ATP8A2: variants seen among roughly 807,000 people sequenced by gnomAD.
ATP8A2 encodes the protein phospholipid-transporting ATPase IB.
In ATP8A2, 100 loss-of-function variants were observed where a neutral mutation model predicts 165.6. The ratio of observed to expected loss-of-function variants is 0.60; its 90% CI spans 0.51 to 0.71. ATP8A2 has a LOEUF of 0.71. Ranked by LOEUF, ATP8A2 falls within the 30% of genes least tolerant of loss-of-function variation. ATP8A2 has a pLI of 0.00. For synonymous variants in ATP8A2, 543 were observed against 548.8 expected, an observed-to-expected ratio of 0.99 and a Z score of 0.15; for missense variants, 1,227 against 1,479.5, an observed-to-expected ratio of 0.83 and a Z score of 2.80.
chr13:25,395,653 A>T (rs2033396698), intron 1 of ATP8A2, among the ~76,000 whole-genome samples: 1 of 152,082 alleles, frequency 6.6e-6, no homozygotes, highest in South Asian at 2.1e-4. Flanking sequence ...CTCCCAGCTC[A>T]GTCTATTGAG....
chr13:25,965,211 G>A (rs1175656128), intron 34 of ATP8A2, among the ~76,000 whole-genome samples: 1 of 152,190 alleles, frequency 6.6e-6, no homozygotes, highest in East Asian at 1.9e-4. Context: ...GCCTTTTCAA[G>A]TATATTTCTG....
At chr13:25,513,629 G>C (rs1168197338) in intron 2 of ATP8A2, among the ~76,000 whole-genome samples, 1 of 151,950 alleles carries the variant, frequency 6.6e-6, no homozygotes, top group Non-Finnish European at 1.5e-5. Context: ...AGGTTGTAGC[G>C]AGCCGAGATC....
chr13:25,608,210 G>T (rs777708501), intron 24 of ATP8A2, among the ~76,000 whole-genome samples: 32 of 152,296 alleles, frequency 2.1e-4, no homozygotes, highest in Non-Finnish European at 1.8e-4. Flanking sequence ...CTGTAGATAA[G>T]GTCAAAGAGG....
intron 2 of ATP8A2, among the ~76,000 whole-genome samples, chr13:25,492,259 T>TC (rs2036549841): frequency 6.6e-6 from 1 of 152,208 alleles, no homozygotes; most frequent in Non-Finnish European, 1.5e-5. Flanking sequence ...TTTCACCATG[T>TC]TGGCCAGGCT....
chr13:25,762,293 A>AAAAAAAAT (rs10641514), intron 25 of ATP8A2, among the ~76,000 whole-genome samples: 3 of 150,138 alleles, frequency 2.0e-5, no homozygotes, highest in Non-Finnish European at 4.4e-5. Context: ...AAAAAAAAAA[A>AAAAAAAAT]AAAGCTGTCC....
intron 24 of ATP8A2, among the ~76,000 whole-genome samples, chr13:25,602,106 T>A (rs916565627): frequency 1.3e-5 from 2 of 152,216 alleles, no homozygotes; most frequent in Non-Finnish European, 2.9e-5. Flanking sequence ...TTTGTGTGTG[T>A]GAAGGTAGTA....
At chr13:25,461,852 A>AAGGAGGAGGAGG (rs1555274204) in intron 1 of ATP8A2, among the ~76,000 whole-genome samples, 1 of 147,714 alleles carries the variant, frequency 6.8e-6, no homozygotes, top group African/African-American at 2.5e-5. Flanking sequence ...GGAGAAGAAG[A>AAGGAGGAGGAGG]AGGAGGAGGA....
chr13:25,619,382 G>A (rs1490900198), intron 24 of ATP8A2, among the ~76,000 whole-genome samples: 3 of 152,142 alleles, frequency 2.0e-5, no homozygotes, highest in Non-Finnish European at 4.4e-5. Flanking sequence ...CTTTTATTCT[G>A]TATGCTGTTA....
At position 25,449,515 on chromosome 13, in the gene ATP8A2, C is replaced by T. The variant is rs907659593; in HGVS notation, c.77-19462C>T. On this transcript the variant is annotated intron_variant, in intron 1 of 36. Coordinates refer to ENST00000381655, the MANE Select transcript of ATP8A2 (RefSeq NM_016529.6). ...TTGTGGTGTATCTTGTGGAGGGGTC[C>T]ATGTGCATCTTCACTTGTGGGATGG... Among the ~76,000 whole-genome samples the T allele has an allele frequency of 2.1e-4, 32 of 152,214 alleles. No individual in the cohort carries two copies. In the South Asian group the frequency reaches 3.9e-3, roughly 19 times the overall value.
rs998817455 is a variant in ATP8A2 at position 25,922,909 on chromosome 13, C to T, written c.3184-38666C>T. The stretch of plus-strand genomic sequence containing the variant: ...GCAATTGTACCCAGACCCTTGCCTG[C>T]TAGGAAGCCCAGGAGATGCCTTCTC... On this transcript the variant is annotated intron_variant, in intron 33 of 36. Coordinates refer to ENST00000381655, the MANE Select transcript of ATP8A2 (RefSeq NM_016529.6). Among the ~76,000 whole-genome samples the T allele has an allele frequency of 5.6e-4, 85 of 152,204 alleles. 1 individual carries two copies. Among genetic ancestry groups the T allele is most frequent in the African/African-American group, 1.9e-3 (77 of 41,536 alleles).
intron 23 of ATP8A2, among the ~76,000 whole-genome samples, 171 bp downstream of exon 23, chr13:25,582,128 G>A (rs1288828367): frequency 1.3e-5 from 2 of 152,146 alleles, no homozygotes; most frequent in African/African-American, 2.4e-5. Flanking sequence ...ATGCCTCCAT[G>A]CCTGTTACAA....
At chr13:25,857,565 T>TTTTC (rs1566208237) in intron 30 of ATP8A2, among the ~76,000 whole-genome samples, 1 of 142,234 alleles carries the variant, frequency 7.0e-6, no homozygotes, top group African/African-American at 2.6e-5. Context: ...CTTTTCTTTT[T>TTTTC]TTTCCTTTTT....
At chr13:25,924,140 C>T (rs1954533797) in intron 33 of ATP8A2, among the ~76,000 whole-genome samples, 1 of 152,188 alleles carries the variant, frequency 6.6e-6, no homozygotes, top group Non-Finnish European at 1.5e-5. Flanking sequence ...CTGTGCCTCT[C>T]CCACTCAGAA....
chr13:25,973,215 G>T, intron 35 of ATP8A2, among the ~76,000 whole-genome samples: 1 of 152,136 alleles, frequency 6.6e-6, no homozygotes, highest in Non-Finnish European at 1.5e-5. Flanking sequence ...GAAGGTAGCT[G>T]TGTGGCTGGT....
At chr13:25,731,189 C>T (rs1031711595) in intron 25 of ATP8A2, among the ~76,000 whole-genome samples, 21 of 94,190 alleles carry the variant, frequency 2.2e-4, no homozygotes, top group African/African-American at 6.1e-4. Context: ...AAGAAAAGAC[C>T]GGAAGGAGAG....
intron 34 of ATP8A2, among the ~76,000 whole-genome samples, chr13:25,964,885 C>A (rs1239123807): frequency 6.6e-6 from 1 of 152,188 alleles, no homozygotes; most frequent in Non-Finnish European, 1.5e-5. Flanking sequence ...TTAGACCAGG[C>A]ACAGTGGCTC....
chr13:25,372,356 G>T lies in ATP8A2; in HGVS notation c.76+68G>T. The T allele has an allele frequency of 1.6e-6, 2 of 1,227,512 alleles. No individual in the cohort carries two copies. Among genetic ancestry groups the T allele is most frequent in the Non-Finnish European group, 2.2e-6 (2 of 926,214 alleles). 76.0% of individuals were successfully genotyped at this position (1,227,512 alleles called of 1,614,324 possible). ...GGGGGCGGCGCGGGGCGCGCCTGCG[G>T]TTATGCGACACTGCCCCGCCCGCGC... is the stretch of plus-strand genomic sequence containing the variant. On this transcript the variant is annotated intron_variant, in intron 1 of 36. Transcript: ENST00000381655. This position sits in a 1 kb window ranked among gnomAD's most constrained non-coding sequence, Gnocchi z 4.8.
chr13:25,601,815 G>A (rs1011062094), intron 24 of ATP8A2, among the ~76,000 whole-genome samples: 4 of 152,152 alleles, frequency 2.6e-5, no homozygotes, highest in African/African-American at 9.7e-5. Flanking sequence ...CACAAAATGT[G>A]GGTCACATAT....
At chr13:25,550,167 G>A (rs944167709) in intron 10 of ATP8A2, among the ~76,000 whole-genome samples, 51 of 152,096 alleles carry the variant, frequency 3.4e-4, no homozygotes, top group South Asian at 2.1e-3. Context: ...TTAGTCGGGC[G>A]TGATGGTGGG....
Sources: allele counts gnomAD v4.1 joint callset (sites outside exome capture counted in the v4.1 genomes callset), GRCh38; gene constraint gnomAD v4.1.1; non-coding constraint Gnocchi (gnomAD v3.1); transcripts MANE v1.5; gene names NCBI Gene and HGNC (gene_info 2026-07-23, HGNC 2026-07-21).